Variants in FZD3 observed in about 807,000 individuals in gnomAD.
FZD3 encodes the protein frizzled-3.
In FZD3, 30 loss-of-function variants were observed where a neutral mutation model predicts 60.7. The ratio of observed to expected loss-of-function variants is 0.49; its 90% CI spans 0.37 to 0.67. The LOEUF (loss-of-function observed/expected upper bound fraction) is 0.67, where lower values mean the gene tolerates loss of function less well. Among genes scored for constraint, FZD3 ranks in the 30% least tolerant of loss-of-function variants. The pLI is 0.00. For missense variants in FZD3, 605 were observed against 838.7 expected (o/e 0.72, Z 3.44); for synonymous variants, 246 against 275.2 (o/e 0.89, Z 1.05).
Position 28,527,057 on chromosome 8 carries a change from T to G in FZD3, c.387-90T>G. ...TTTGCTCTCCAGGAATAAATAAGGT[T>G]GTGAGTGCCAGATTTGGAAATCCAA... is the stretch of plus-strand genomic sequence containing the variant. On this transcript the variant is annotated intron_variant, in intron 4 of 7. Coordinates refer to ENST00000240093, the MANE Select transcript of FZD3 (RefSeq NM_017412.4). The surrounding 1 kb of genome is among the most constrained non-coding windows in gnomAD (Gnocchi z 5.0). The G allele has an allele frequency of 9.6e-7, 1 of 1,036,324 alleles. No homozygotes were observed. Among genetic ancestry groups the G allele is most frequent in the South Asian group, 1.6e-5 (1 of 64,278 alleles). 64.2% of individuals were successfully genotyped at this position (1,036,324 alleles called of 1,614,324 possible).
intron 5 of FZD3, among the ~76,000 whole-genome samples, chr8:28,543,613 T>C (rs546377614): frequency 6.6e-6 from 1 of 152,174 alleles, no homozygotes; most frequent in South Asian, 2.1e-4. Context: ...ACTCCTGACC[T>C]CAAGTGATGT....
intron 3 of FZD3, among the ~76,000 whole-genome samples, chr8:28,513,058 C>T: frequency 6.6e-6 from 1 of 151,928 alleles, no homozygotes; most frequent in Non-Finnish European, 1.5e-5. Flanking sequence ...GCAAAGTGGC[C>T]TAAGAAGCCT....
intron 3 of FZD3, among the ~76,000 whole-genome samples, chr8:28,503,747 T>G (rs1318862311): frequency 6.6e-6 from 1 of 152,224 alleles, no homozygotes; most frequent in Non-Finnish European, 1.5e-5. Context: ...ATATACCAGA[T>G]AAGAACTAGC....
chr8:28,562,367 G>C (rs1254002170), intron 7 of FZD3, among the ~76,000 whole-genome samples: 1 of 151,862 alleles, frequency 6.6e-6, no homozygotes, highest in Admixed American at 6.6e-5. Flanking sequence ...CTTCCAGTCA[G>C]AGTCTTAATA....
chr8:28,495,685 C>A (rs1803825229), intron 1 of FZD3, among the ~76,000 whole-genome samples: 1 of 152,020 alleles, frequency 6.6e-6, no homozygotes, highest in Non-Finnish European at 1.5e-5. Flanking sequence ...CAAATCAATA[C>A]TATCTTTTTC....
chr8:28,520,561 G>A (rs1157817302), intron 3 of FZD3, 77 bp from the exon 4 acceptor site: 2 of 798,848 alleles, frequency 2.5e-6, no homozygotes, highest in Admixed American at 3.0e-5. Flanking sequence ...ATGAGAAAGA[G>A]AATGTTGCAG....
At chr8:28,520,392 C>G (rs538811854) in intron 3 of FZD3, among the ~76,000 whole-genome samples, 3 of 152,164 alleles carry the variant, frequency 2.0e-5, no homozygotes, top group Non-Finnish European at 2.9e-5. Context: ...GCTTCTTCAT[C>G]AATATCACCT....
chr8:28,511,355 G>A lies in FZD3; in HGVS notation c.189+8153G>A, dbSNP rs576629220. ...ACAAAAATTAGCTGGGCGTGGTGGC[G>A]TGTGCCTGTAGTCCCAGCTACTTGG... On this transcript the variant is annotated intron_variant, in intron 3 of 7. Coordinates refer to ENST00000240093, the MANE Select transcript of FZD3 (RefSeq NM_017412.4). 3.9e-5 allele frequency among the ~76,000 whole-genome samples: 6 copies of A among 152,168 alleles called. No homozygotes were observed. The East Asian group carries it at 7.8e-4, about 20-fold the overall frequency.
intron 3 of FZD3, among the ~76,000 whole-genome samples, chr8:28,515,884 A>G (rs946586399): frequency 6.6e-6 from 1 of 152,168 alleles, no homozygotes; most frequent in Non-Finnish European, 1.5e-5. Flanking sequence ...GTGTCCTTCC[A>G]TATACAAAAG....
At chr8:28,531,396 C>CA (rs1804872032) in intron 5 of FZD3, among the ~76,000 whole-genome samples, 1 of 152,062 alleles carries the variant, frequency 6.6e-6, no homozygotes, top group South Asian at 2.1e-4. Context: ...GCAATTTATT[C>CA]ACTCATTTAT....
At chr8:28,535,729 T>A (rs1340454798) in intron 5 of FZD3, among the ~76,000 whole-genome samples, 2 of 152,356 alleles carry the variant, frequency 1.3e-5, no homozygotes, top group African/African-American at 2.4e-5. Flanking sequence ...AAAACTGGTT[T>A]ATTTCTAGAA....
chr8:28,499,391 A>G (rs1205998155), intron 1 of FZD3, among the ~76,000 whole-genome samples: 1 of 152,150 alleles, frequency 6.6e-6, no homozygotes, highest in Non-Finnish European at 1.5e-5. Context: ...TCATGTGGTT[A>G]TACCATAATT....
At chr8:28,518,578 G>A (rs1804493688) in intron 3 of FZD3, among the ~76,000 whole-genome samples, 1 of 152,158 alleles carries the variant, frequency 6.6e-6, no homozygotes, top group Admixed American at 6.5e-5. Context: ...TTCTCTTTCT[G>A]CTTAGCTTCT....
At chr8:28,529,507 T>C (rs1804807209) in intron 5 of FZD3, among the ~76,000 whole-genome samples, 2 of 152,270 alleles carry the variant, frequency 1.3e-5, no homozygotes, top group Middle Eastern at 3.4e-3. Context: ...ATATTGTGGG[T>C]ATATTGCTTG....
chr8:28,532,054 A>G (rs1310187217), intron 5 of FZD3, among the ~76,000 whole-genome samples: 2 of 152,182 alleles, frequency 1.3e-5, no homozygotes, highest in Middle Eastern at 3.2e-3. Context: ...ATTTTTCCAT[A>G]TGGATAAGAC....
chr8:28,548,041 C>T (rs774317238), intron 5 of FZD3, among the ~76,000 whole-genome samples: 5 of 151,712 alleles, frequency 3.3e-5, no homozygotes, highest in East Asian at 3.9e-4. Flanking sequence ...TTAGTAGAGA[C>T]GGGGTTTCAC....
At position 28,527,484 on chromosome 8, in the gene FZD3, G is replaced by A; in HGVS notation, c.724G>A (p.Ala242Thr). 6.2e-7 allele frequency: 1 copy of A among 1,613,562 alleles called. No individual in the cohort carries two copies. The highest frequency in any genetic ancestry group is 1.3e-5 in the African/African-American group (1 of 75,014). ...TCCTGAAAGGCCTATTATATTTTAT[G>A]CAGTCTGCTACATGATGGTATCCTT... is the stretch of plus-strand genomic sequence containing the variant. ...RYPERPIIFY[A>T]VCYMMVSLIF... The change falls in exon 5 of 8, where the codon GCA (alanine) becomes ACA (threonine). Residue 242 changes from alanine (A) to threonine (T), a missense_variant. Physicochemically the swap from Ala to Thr is moderately conservative, Grantham distance 58. Coordinates refer to ENST00000240093, the MANE Select transcript of FZD3 (RefSeq NM_017412.4). The surrounding 1 kb of genome is among the most constrained non-coding windows in gnomAD (Gnocchi z 5.0).
At chr8:28,540,994 T>TAA (rs1481907581) in intron 5 of FZD3, among the ~76,000 whole-genome samples, 9 of 152,186 alleles carry the variant, frequency 5.9e-5, no homozygotes, top group African/African-American at 1.9e-4. Context: ...AAATAAAAAC[T>TAA]AAACACTGTA....
At chr8:28,521,310 G>A (rs961654963) in intron 4 of FZD3, among the ~76,000 whole-genome samples, 3 of 151,832 alleles carry the variant, frequency 2.0e-5, no homozygotes, top group African/African-American at 2.4e-5. Flanking sequence ...GCAGTATATC[G>A]ACTATAAGCA....
Sources: gnomAD v4.1 joint callset for allele counts (sites outside exome capture counted in the v4.1 genomes callset) on GRCh38, gnomAD v4.1.1 for gene constraint, Gnocchi (gnomAD v3.1) non-coding constraint, MANE v1.5 for transcripts, NCBI Gene and HGNC (gene_info 2026-07-23, HGNC 2026-07-21) for gene names.